Variants in GPC6 observed in about 807,000 individuals in gnomAD.
GPC6 encodes the protein glypican 6.
Under a neutral mutation model 55.2 loss-of-function variants are expected in GPC6, and 14 were observed. The ratio of observed to expected loss-of-function variants is 0.25; its 90% confidence interval spans 0.17 to 0.40. GPC6 has a LOEUF of 0.40. GPC6 is among the 10% of genes least tolerant of loss of function. The pLI is 1.00. For synonymous variants in GPC6, 278 were observed against 259.6 expected (o/e 1.07, Z -0.68); for missense variants, 641 against 708.5 (o/e 0.90, Z 1.08).
intron 3 of GPC6, among the ~76,000 whole-genome samples, chr13:93,858,476 A>C (rs1888698086): frequency 6.6e-6 from 1 of 151,768 alleles, no homozygotes; most frequent in South Asian, 2.1e-4. Context: ...ACTGGATGAG[A>C]TCACCAAGGA....
At chr13:93,311,567 C>T (rs961374285) in intron 1 of GPC6, among the ~76,000 whole-genome samples, 3 of 152,148 alleles carry the variant, frequency 2.0e-5, no homozygotes, top group African/African-American at 7.2e-5. Flanking sequence ...CAACCAAGCC[C>T]TACACAGTCT....
chr13:93,445,006 T>A (rs1566361131), intron 1 of GPC6, among the ~76,000 whole-genome samples: 1 of 152,198 alleles, frequency 6.6e-6, no homozygotes, highest in South Asian at 2.1e-4. Context: ...AATATGTAAC[T>A]TACTTTTTAT....
chr13:94,357,692 C>T (rs1878865263), intron 6 of GPC6, among the ~76,000 whole-genome samples: 1 of 152,202 alleles, frequency 6.6e-6, no homozygotes. Flanking sequence ...ATCCCCTTTA[C>T]TGTGGTGTAA....
intron 3 of GPC6, among the ~76,000 whole-genome samples, chr13:93,962,513 G>C (rs1390574203): frequency 6.6e-6 from 1 of 151,954 alleles, no homozygotes; most frequent in East Asian, 1.9e-4. Context: ...AAGCAGCCTT[G>C]AAATATCTGC....
intron 1 of GPC6, among the ~76,000 whole-genome samples, chr13:93,290,962 C>G (rs1044612159): frequency 1.3e-5 from 2 of 152,052 alleles, no homozygotes; most frequent in African/African-American, 4.8e-5. Flanking sequence ...TTTTTAAATG[C>G]CTTCTGCATA....
intron 1 of GPC6, among the ~76,000 whole-genome samples, chr13:93,340,220 G>A (rs1880204299): frequency 6.6e-6 from 1 of 151,744 alleles, no homozygotes; most frequent in Admixed American, 6.6e-5. Context: ...ATTTTTAGTA[G>A]AGACGGGGTT....
At chr13:93,503,512 A>G (rs1432668065) in intron 1 of GPC6, among the ~76,000 whole-genome samples, 1 of 152,234 alleles carries the variant, frequency 6.6e-6, no homozygotes, top group Non-Finnish European at 1.5e-5. Context: ...ACAGGCTGCA[A>G]GAGGGATTTT....
chr13:93,881,386 T>C (rs1874965383), intron 3 of GPC6, among the ~76,000 whole-genome samples: 1 of 152,134 alleles, frequency 6.6e-6, no homozygotes, highest in South Asian at 2.1e-4. Flanking sequence ...CTTCTTAACA[T>C]ATGCTATCTA....
At chr13:93,952,605 A>G (rs1879298968) in intron 3 of GPC6, among the ~76,000 whole-genome samples, 1 of 151,622 alleles carries the variant, frequency 6.6e-6, no homozygotes, top group Non-Finnish European at 1.5e-5. Context: ...GTATACATTT[A>G]TGTATATATG....
chr13:93,743,931 T>G (rs1884296620), intron 2 of GPC6, among the ~76,000 whole-genome samples: 1 of 152,192 alleles, frequency 6.6e-6, no homozygotes, highest in South Asian at 2.1e-4. Flanking sequence ...CTGAATGGCA[T>G]TAATTTGTAA....
chr13:94,051,947 T>G (rs1883962422), intron 4 of GPC6, among the ~76,000 whole-genome samples: 1 of 152,110 alleles, frequency 6.6e-6, no homozygotes, highest in South Asian at 2.1e-4. Flanking sequence ...ATATCTAGAG[T>G]GCCTGCTAGA....
chr13:93,665,138 C>A (rs1160676160), intron 2 of GPC6, among the ~76,000 whole-genome samples: 4 of 152,202 alleles, frequency 2.6e-5, no homozygotes, highest in Non-Finnish European at 5.9e-5. Flanking sequence ...GCCCATGAAT[C>A]TGCAACCTTT....
chr13:93,870,710 C>T (rs1889105261), intron 3 of GPC6, among the ~76,000 whole-genome samples: 1 of 151,824 alleles, frequency 6.6e-6, no homozygotes, highest in Non-Finnish European at 1.5e-5. Context: ...GACACACACA[C>T]ACACGGAAAA....
chr13:93,514,327 T>C (rs1881102359), intron 1 of GPC6, among the ~76,000 whole-genome samples: 1 of 152,186 alleles, frequency 6.6e-6, no homozygotes. Flanking sequence ...AAGAGTCAAC[T>C]GTTAGCAGTT....
At chr13:93,657,622 G>C (rs1880734286) in intron 2 of GPC6, among the ~76,000 whole-genome samples, 1 of 152,042 alleles carries the variant, frequency 6.6e-6, no homozygotes, top group Non-Finnish European at 1.5e-5. Flanking sequence ...AAACTATAGA[G>C]CTTCTGCACA....
rs571309208 is a variant in GPC6 at position 93,468,387 on chromosome 13, A to T, written c.161-76876A>T. Among the ~76,000 whole-genome samples, 33 of 152,112 alleles carry T rather than the reference A, an allele frequency of 2.2e-4. No homozygotes were observed. In the East Asian group the frequency reaches 6.2e-3, roughly 28 times the overall value. The stretch of plus-strand genomic sequence containing the variant: ...GAGAATATTGAATGTCATTTCTTTT[A>T]TAAAAAAGAGTTCCAAATTCATTGT... On this transcript the variant is annotated intron_variant, in intron 1 of 8. Coordinates refer to ENST00000377047, the MANE Select transcript of GPC6 (RefSeq NM_005708.5).
At chr13:93,500,764 A>G (rs1880491685) in intron 1 of GPC6, among the ~76,000 whole-genome samples, 2 of 152,176 alleles carry the variant, frequency 1.3e-5, no homozygotes, top group Admixed American at 1.3e-4. Flanking sequence ...AGAAAGTGTT[A>G]TGCTTAAAAA....
chr13:94,191,519 C>G (rs571794713), intron 4 of GPC6, among the ~76,000 whole-genome samples: 12 of 151,452 alleles, frequency 7.9e-5, no homozygotes, highest in African/African-American at 2.7e-4. Flanking sequence ...GGACAGTGAG[C>G]GATGTCCTTG....
chr13:94,294,540 T>C (rs1210903963), intron 5 of GPC6, among the ~76,000 whole-genome samples: 1 of 152,040 alleles, frequency 6.6e-6, no homozygotes, highest in East Asian at 1.9e-4. Flanking sequence ...AAGGAGGGGT[T>C]AATCTAAATG....
Sources: gnomAD v4.1 joint callset for allele counts (sites outside exome capture counted in the v4.1 genomes callset) on GRCh38, gnomAD v4.1.1 for gene constraint, MANE v1.5 for transcripts, NCBI Gene and HGNC (gene_info 2026-07-23, HGNC 2026-07-21) for gene names.